The following SAMD4B variants were observed in gnomAD, a reference collection of about 807,000 sequenced individuals.
SAMD4B encodes sterile alpha motif domain containing 4B.
Under a neutral mutation model 74.5 loss-of-function variants are expected in SAMD4B, and 5 were observed. That is an observed-to-expected ratio of 0.07 (90% CI 0.04 to 0.14). The LOEUF (loss-of-function observed/expected upper bound fraction) is 0.14, where lower values mean the gene tolerates loss of function less well. Ranked by LOEUF, SAMD4B falls within the 10% of genes least tolerant of loss-of-function variation. SAMD4B has a pLI of 1.00. For missense variants in SAMD4B, 608 were observed against 921.8 expected, an observed-to-expected ratio of 0.66 and a Z score of 4.41; for synonymous variants, 373 against 374.9, an observed-to-expected ratio of 1.00 and a Z score of 0.06.
chr19:39,350,346 A>C (rs985569870), intron 1 of SAMD4B: 1 of 152,220 alleles, frequency 6.6e-6, no homozygotes, highest in African/African-American at 2.4e-5. Flanking sequence ...AGGTCTGACT[A>C]ACTCCACCAT....
chr19:39,375,846 C>A lies in SAMD4B; in HGVS notation c.864C>A (p.Gly288=). ...GCAGTGAGCAGACAGAGGAGCAGGG[C>A]TCCAGCCGGAACACCTTCCAGGAGG... ...SSGSEQTEEQ[G]SSRNTFQEDG... Residue 288 remains glycine (G), a synonymous_variant, in exon 5 of 14, where the codon GGC becomes GGA. Transcript: ENST00000610417. This position sits in a 1 kb window ranked among gnomAD's most constrained non-coding sequence, Gnocchi z 4.1. 6.2e-7 allele frequency: 1 copy of A among 1,612,432 alleles called. No individual in the cohort carries two copies. The highest frequency in any genetic ancestry group is 1.3e-5 in the African/African-American group (1 of 75,030).
chr19:39,353,542 C>T (rs1157321701), intron 1 of SAMD4B, among the ~76,000 whole-genome samples: 2 of 151,852 alleles, frequency 1.3e-5, no homozygotes, highest in African/African-American at 4.8e-5. Context: ...TACTGTGTAG[C>T]TTATGGACAC....
chr19:39,378,500 C>T lies in SAMD4B; in HGVS notation c.1445-4C>T, dbSNP rs190574104. On this transcript the variant is annotated splice_region_variant and splice_polypyrimidine_tract_variant and intron_variant, in intron 8 of 13. Coordinates refer to ENST00000610417, the MANE Select transcript of SAMD4B (RefSeq NM_001384574.2). This position sits in a 1 kb window ranked among gnomAD's most constrained non-coding sequence, Gnocchi z 4.4. ...ACCTCCTGCCCTTTCTCATGTCCCC[C>T]CAGTGTGCACCCAACTGCTGGTGTC... is the stretch of plus-strand genomic sequence containing the variant. 4 of 1,613,690 alleles carry T rather than the reference C, an allele frequency of 2.5e-6. No individual in the cohort carries two copies. Among genetic ancestry groups the T allele is most frequent in the Admixed American group, 1.7e-5 (1 of 59,984 alleles).
At chr19:39,387,058 C>T (rs2078268075), downstream of SAMD4B, 6 of 555,758 alleles carry the variant, frequency 1.1e-5, no homozygotes, top group South Asian at 6.0e-5. Flanking sequence ...TACATAAATA[C>T]GGGCATGGGC....
chr19:39,383,197 C>T lies in SAMD4B; in HGVS notation c.1973-11C>T. The T allele has an allele frequency of 1.2e-6, 2 of 1,613,608 alleles. No individual in the cohort carries two copies. The highest frequency in any genetic ancestry group is 1.7e-6 in the Non-Finnish European group (2 of 1,179,504). ...GTCCTTACCACCCCCATTCTCCTCT[C>T]TCCCACCCAGACTGCCCGGTTCCTG... is the stretch of plus-strand genomic sequence containing the variant. On this transcript the variant is annotated splice_polypyrimidine_tract_variant and intron_variant, in intron 12 of 13. Coordinates refer to ENST00000610417, the MANE Select transcript of SAMD4B (RefSeq NM_001384574.2). This position sits in a 1 kb window ranked among gnomAD's most constrained non-coding sequence, Gnocchi z 4.1.
chr19:39,353,359 A>T (rs933834945), intron 1 of SAMD4B, among the ~76,000 whole-genome samples: 3 of 152,238 alleles, frequency 2.0e-5, no homozygotes, highest in Non-Finnish European at 4.4e-5. Flanking sequence ...ACAAAGTTAT[A>T]TAAAGATAGT....
chr19:39,385,888 G>C (rs1303309635), downstream of SAMD4B: 5 of 1,511,080 alleles, frequency 3.3e-6, no homozygotes, highest in Admixed American at 2.0e-5. Context: ...CAAAGGTTTG[G>C]GGGTGGGGAA....
chr19:39,343,677 C>G (rs983231932), intron 1 of SAMD4B, among the ~76,000 whole-genome samples: 2 of 151,740 alleles, frequency 1.3e-5, no homozygotes, highest in Non-Finnish European at 2.9e-5. Flanking sequence ...CTAAAAATCT[C>G]CAGCAATTGC....
intron 1 of SAMD4B, chr19:39,352,488 G>GGAAA (rs1282257382): frequency 7.2e-6 from 1 of 138,780 alleles, no homozygotes; most frequent in Non-Finnish European, 1.5e-5. Flanking sequence ...CCTCTTTAGG[G>GGAAA]GAAAAAAAAA....
chr19:39,363,612 A>G lies in SAMD4B; in HGVS notation c.197-6043A>G, dbSNP rs536226444. ...TGCATGATTGTCTCATTGACTCTTT[A>G]CAACAATCCTGTGAGGTAGAGGCCT... On this transcript the variant is annotated intron_variant, in intron 3 of 13. Coordinates refer to ENST00000610417, the MANE Select transcript of SAMD4B (RefSeq NM_001384574.2). Among the ~76,000 whole-genome samples, 9 of 152,282 alleles carry G rather than the reference A, an allele frequency of 5.9e-5. No individual in the cohort carries two copies. In the South Asian group the frequency reaches 1.9e-3, roughly 32 times the overall value.
chr19:39,343,088 A>C (rs2075423826), intron 1 of SAMD4B, among the ~76,000 whole-genome samples: 1 of 151,098 alleles, frequency 6.6e-6, no homozygotes, highest in Non-Finnish European at 1.5e-5. Flanking sequence ...TCCATTCCAC[A>C]GCGTGGCTCT....
downstream of SAMD4B, chr19:39,386,035 C>T: frequency 6.2e-7 from 1 of 1,613,956 alleles, no homozygotes; most frequent in Non-Finnish European, 8.5e-7. The surrounding 1 kb of genome is among the most constrained non-coding windows in gnomAD (Gnocchi z 6.1). Context: ...GAAGCTGCAG[C>T]TTCACTGCCA....
intron 4 of SAMD4B, among the ~76,000 whole-genome samples, chr19:39,374,792 G>A (rs2077508165): frequency 6.6e-6 from 1 of 152,194 alleles, no homozygotes; most frequent in African/African-American, 2.4e-5. Flanking sequence ...AGTGAGCCCA[G>A]ATCGTGCCAC....
chr19:39,380,644 C>T lies in SAMD4B; in HGVS notation c.1707C>T (p.Ala569=), dbSNP rs1185525740. 1.2e-6 allele frequency: 2 copies of T among 1,614,080 alleles called. No homozygotes were observed. The highest frequency in any genetic ancestry group is 1.7e-6 in the Non-Finnish European group (2 of 1,180,000). ...CTGGCTCTGTGGGGATGGGAGTGGCCCGGCGTACCCAGCGGCAGTTCCCAA... is the reference window on the plus strand; with the variant it reads ...CTGGCTCTGTGGGGATGGGAGTGGCTCGGCGTACCCAGCGGCAGTTCCCAA... ...PIAGSVGMGV[A]RRTQRQFPMP... The change falls in exon 11 of 14, where the codon GCC becomes GCT. Residue 569 remains alanine (A), a synonymous_variant. Transcript: ENST00000610417.
rs866117186 is a variant in SAMD4B at position 39,342,471 on chromosome 19, C to T, written c.-372C>T. 6 of 180,002 alleles carry T rather than the reference C, an allele frequency of 3.3e-5. No individual in the cohort carries two copies. The highest frequency in any genetic ancestry group is 6.6e-5 in the Non-Finnish European group (6 of 90,830). 11.2% of individuals were successfully genotyped at this position (180,002 alleles called of 1,614,324 possible). A position where few individuals can be genotyped will look rare whatever the true frequency, so the allele number is the denominator to read the frequency against. The stretch of plus-strand genomic sequence containing the variant: ...CGGCGGCGGCGGCGGCGGCGGTGGT[C>T]GGTGCGGGAGGAGGGAGGGGAGCTT... On this transcript the variant is annotated 5_prime_UTR_variant, in exon 1 of 14. Transcript: ENST00000610417.
chr19:39,386,045 ATCC>A (rs1405220108), downstream of SAMD4B: 5 of 1,613,854 alleles, frequency 3.1e-6, no homozygotes, highest in Admixed American at 5.0e-5. This position sits in a 1 kb window ranked among gnomAD's most constrained non-coding sequence, Gnocchi z 6.1. Context: ...CTTCACTGCC[ATCC>A]TCCTGGGCCG....
In SAMD4B at chr19:39,375,774, G is replaced by T. The variant is rs142079574; in HGVS notation, c.792G>T (p.Thr264=). ...TTGGGGCCCGGGCTGCTTTTACCAC[G>T]CCCGATCACGCACCTCTCTCGCCCC... ...EELGARAAFT[T]PDHAPLSPQS... is the part of the protein sequence containing the mutation. Residue 264 remains threonine, a synonymous_variant, in exon 5 of 14, where the codon ACG becomes ACT. Transcript: ENST00000610417. This position sits in a 1 kb window ranked among gnomAD's most constrained non-coding sequence, Gnocchi z 4.1. 1.2e-6 allele frequency: 2 copies of T among 1,614,098 alleles called. No individual in the cohort carries two copies. The highest frequency in any genetic ancestry group is 1.3e-5 in the African/African-American group (1 of 75,022).
At chr19:39,387,265 A>G, downstream of SAMD4B, 1 of 367,480 alleles carries the variant, frequency 2.7e-6, no homozygotes, top group South Asian at 2.2e-5. Flanking sequence ...GTATTTGTGT[A>G]TCTAAACATA....
At chr19:39,371,132 C>G (rs1443236959) in intron 4 of SAMD4B, among the ~76,000 whole-genome samples, 1 of 152,112 alleles carries the variant, frequency 6.6e-6, no homozygotes, top group African/African-American at 2.4e-5. Context: ...ATGACCTGAC[C>G]CAGGGTGAGG....
Sources: allele counts gnomAD v4.1 joint callset (sites outside exome capture counted in the v4.1 genomes callset), GRCh38; gene constraint gnomAD v4.1.1; non-coding constraint Gnocchi (gnomAD v3.1); transcripts MANE v1.5; gene names NCBI Gene and HGNC (gene_info 2026-07-23, HGNC 2026-07-21).